Variants in EPB41L3 observed in about 807,000 individuals in gnomAD.
EPB41L3 encodes erythrocyte membrane protein band 4.1 like 3, also known as band 4.1-like protein 3.
Under a neutral mutation model 127.1 loss-of-function variants are expected in EPB41L3, and 57 were observed. That is an observed-to-expected ratio of 0.45 (90% CI 0.36 to 0.56). EPB41L3 has a LOEUF of 0.56. EPB41L3 is among the 20% of genes least tolerant of loss of function. The probability of loss-of-function intolerance (pLI) is 0.00; values close to 1 mark genes in which losing one functional copy is unlikely to be tolerated. For synonymous variants in EPB41L3, 572 were observed against 549.5 expected (o/e 1.04, Z -0.57); for missense variants, 1,273 against 1,372.2 (o/e 0.93, Z 1.14).
At chr18:5,446,110 A>G (rs1368976149) in intron 3 of EPB41L3, among the ~76,000 whole-genome samples, 1 of 152,146 alleles carries the variant, frequency 6.6e-6, no homozygotes, top group Non-Finnish European at 1.5e-5. Flanking sequence ...AATTCTAAGG[A>G]CCACTTTCTA....
rs1181019424 is a variant in EPB41L3 at position 5,480,106 on chromosome 18, A to G, written c.184-1668T>C. 2.6e-5 allele frequency: 4 copies of G among 152,320 alleles called. No individual in the cohort carries two copies. In the East Asian group the frequency reaches 7.7e-4, roughly 29 times the overall value. The allele number at this position is 152,320 out of a possible 1,614,324, so 9.4% of individuals were successfully genotyped here. On this transcript the variant is annotated intron_variant, in intron 2 of 22. Transcript: ENST00000341928. ...ATTTTCTATGTAACAGGGAAGATAC[A>G]ATGTCGCTTTTCCTTTACTAAAATA...
At chr18:5,401,624 T>A (rs1328097564) in intron 16 of EPB41L3, among the ~76,000 whole-genome samples, 4 of 152,130 alleles carry the variant, frequency 2.6e-5, no homozygotes, top group Non-Finnish European at 5.9e-5. Context: ...ATGGCTTTAT[T>A]TGAACTTTTA....
chr18:5,493,193 C>A (rs2090799471), intron 1 of EPB41L3, among the ~76,000 whole-genome samples: 1 of 152,148 alleles, frequency 6.6e-6, no homozygotes. Context: ...ACCTCTCTTG[C>A]TGACATAAAA....
intron 1 of EPB41L3, among the ~76,000 whole-genome samples, chr18:5,541,965 T>C (rs1250518555): frequency 6.6e-6 from 1 of 152,272 alleles, no homozygotes; most frequent in Non-Finnish European, 1.5e-5. Flanking sequence ...TCTGATATTT[T>C]GCTTTTCTAA....
intron 1 of EPB41L3, among the ~76,000 whole-genome samples, chr18:5,522,931 AT>A (rs772379850): frequency 1.1e-4 from 16 of 150,576 alleles, no homozygotes; most frequent in South Asian, 4.2e-4. Context: ...TATTGCTAAA[AT>A]TTTTTTTTTG....
At chr18:5,593,762 T>C (rs888757894) in intron 3 of EPB41L3, among the ~76,000 whole-genome samples, 29 of 152,276 alleles carry the variant, frequency 1.9e-4, no homozygotes, top group Admixed American at 3.3e-4. Flanking sequence ...GGGGCCATTT[T>C]AGAGGCCCAC....
At chr18:5,420,387 T>G (rs1336802798) in intron 11 of EPB41L3, among the ~76,000 whole-genome samples, 1 of 152,166 alleles carries the variant, frequency 6.6e-6, no homozygotes, top group East Asian at 1.9e-4. Flanking sequence ...GTTTTCATAT[T>G]ATTATTATTA....
intron 3 of EPB41L3, among the ~76,000 whole-genome samples, chr18:5,468,942 CAAACAAACAAACAAA>C (rs2085536472): frequency 1.3e-5 from 2 of 151,548 alleles, no homozygotes; most frequent in African/African-American, 2.4e-5. Flanking sequence ...AACAAACAAA[CAAACAAACAAACAAA>C]AAACAAAAAA....
At chr18:5,456,785 T>C (rs1228628743) in intron 3 of EPB41L3, among the ~76,000 whole-genome samples, 1 of 152,182 alleles carries the variant, frequency 6.6e-6, no homozygotes, top group Non-Finnish European at 1.5e-5. Flanking sequence ...AGAAAGCCAG[T>C]GCTAATCCTC....
intron 3 of EPB41L3, among the ~76,000 whole-genome samples, chr18:5,454,864 C>T (rs1016725676): frequency 6.6e-6 from 1 of 152,162 alleles, no homozygotes; most frequent in African/African-American, 2.4e-5. Flanking sequence ...GATGAGAATT[C>T]ATCTGGCATT....
At chr18:5,512,971 G>A (rs2092599694) in intron 1 of EPB41L3, among the ~76,000 whole-genome samples, 1 of 152,168 alleles carries the variant, frequency 6.6e-6, no homozygotes. Flanking sequence ...GCAGAGATTA[G>A]AATCCATAGA....
At chr18:5,592,455 G>A (rs552086168) in intron 3 of EPB41L3, among the ~76,000 whole-genome samples, 12 of 152,284 alleles carry the variant, frequency 7.9e-5, no homozygotes, top group South Asian at 2.1e-4. Context: ...GTGAGCCACC[G>A]CAAAATAAAA....
intron 1 of EPB41L3, among the ~76,000 whole-genome samples, chr18:5,538,168 C>T (rs1040046843): frequency 6.6e-6 from 1 of 152,188 alleles, no homozygotes. Flanking sequence ...AATAGATTGG[C>T]CAAGGTGTTC....
chr18:5,586,404 T>G (rs8087129), intron 3 of EPB41L3, among the ~76,000 whole-genome samples: 5 of 6,228 alleles, frequency 8.0e-4, no homozygotes, highest in Non-Finnish European at 2.0e-3. Flanking sequence ...TTCTTTTTTG[T>G]TTTTTTTTTT....
At chr18:5,422,232 G>A (rs1027582641) in intron 11 of EPB41L3, among the ~76,000 whole-genome samples, 1 of 151,824 alleles carries the variant, frequency 6.6e-6, no homozygotes, top group African/African-American at 2.4e-5. Context: ...TTTCCACCTC[G>A]CTAGTAACAT....
intron 3 of EPB41L3, among the ~76,000 whole-genome samples, chr18:5,473,314 G>A (rs775866098): frequency 1.3e-5 from 2 of 152,004 alleles, no homozygotes; most frequent in Non-Finnish European, 2.9e-5. Context: ...AAACATGGCA[G>A]GGCCCTTTGA....
At chr18:5,409,598 G>A (rs939082332) in intron 14 of EPB41L3, among the ~76,000 whole-genome samples, 6 of 151,720 alleles carry the variant, frequency 4.0e-5, no homozygotes, top group Admixed American at 2.6e-4. Flanking sequence ...AAACGCCATC[G>A]CAAAAGATTT....
rs771881652 is a variant in EPB41L3, at chr18:5,398,076, C to T, written c.2417G>A (p.Arg806Gln). ...SEIFSLLESARKPTEFIGGVT... is the reference protein window; with the variant it reads ...SEIFSLLESAQKPTEFIGGVT... ...CCCTCCTATGAATTCTGTTGGTTTTCGCGCAGACTCTAATAAACTGAAGAT... is the reference window on the plus strand; with the variant it reads ...CCCTCCTATGAATTCTGTTGGTTTTTGCGCAGACTCTAATAAACTGAAGAT... The change falls in exon 17 of 23, where the codon CGA becomes CAA. Residue 806 changes from arginine (R) to glutamine (Q), a missense_variant. By Grantham distance (43) the Arg-to-Gln change is conservative. Coordinates refer to ENST00000341928, the MANE Select transcript of EPB41L3 (RefSeq NM_012307.5). 2.3e-5 allele frequency: 37 copies of T among 1,613,982 alleles called. No homozygotes were observed. Among genetic ancestry groups the T allele is most frequent in the African/African-American group, 6.7e-5 (5 of 74,920 alleles).
At chr18:5,470,777 T>C (rs984042788) in intron 3 of EPB41L3, among the ~76,000 whole-genome samples, 20 of 152,186 alleles carry the variant, frequency 1.3e-4, no homozygotes, top group African/African-American at 4.8e-4. Context: ...ATTATAAGTA[T>C]AGATCTACTT....
Sources: allele counts gnomAD v4.1 joint callset (sites outside exome capture counted in the v4.1 genomes callset), GRCh38; gene constraint gnomAD v4.1.1; transcripts MANE v1.5; gene names NCBI Gene and HGNC (gene_info 2026-07-23, HGNC 2026-07-21).